Variants in CREB5 observed in about 807,000 individuals in gnomAD.
The protein encoded by CREB5 is cyclic AMP-responsive element-binding protein 5.
In CREB5, 19 loss-of-function variants were observed where a neutral mutation model predicts 57.1. The observed-to-expected ratio is 0.33, with a 90% CI of 0.23 to 0.49. The LOEUF is 0.49. Among genes scored for constraint, CREB5 ranks in the 20% least tolerant of loss-of-function variants. The pLI is 0.99. For synonymous variants in CREB5, 238 were observed against 238.3 expected (o/e 1.00, Z 0.01); for missense variants, 579 against 671.6 (o/e 0.86, Z 1.52).
upstream of CREB5, among the ~76,000 whole-genome samples, chr7:28,408,598 C>A (rs1041979819): frequency 2.0e-5 from 3 of 152,154 alleles, no homozygotes; most frequent in African/African-American, 7.2e-5. Flanking sequence ...GACGCCGTGT[C>A]TAAATCAGGC....
At chr7:28,575,665 G>A (rs1040912244) in intron 5 of CREB5, among the ~76,000 whole-genome samples, 3 of 152,164 alleles carry the variant, frequency 2.0e-5, no homozygotes, top group African/African-American at 7.2e-5. Flanking sequence ...GAGTAATGCA[G>A]ACCAGAAGTC....
chr7:28,471,248 C>T (rs959589928), intron 1 of CREB5, among the ~76,000 whole-genome samples: 2 of 152,108 alleles, frequency 1.3e-5, no homozygotes, highest in Non-Finnish European at 2.9e-5. Flanking sequence ...TTGATTTTTA[C>T]ATATGATGAG....
chr7:28,598,979 T>A (rs983266367), intron 5 of CREB5, among the ~76,000 whole-genome samples: 2 of 152,216 alleles, frequency 1.3e-5, no homozygotes, highest in Non-Finnish European at 2.9e-5. Context: ...ACTCAGTATG[T>A]TCTGATACAG....
At chr7:28,678,962 A>G (rs1321277071) in intron 5 of CREB5, among the ~76,000 whole-genome samples, 1 of 152,160 alleles carries the variant, frequency 6.6e-6, no homozygotes. Flanking sequence ...GAAAGAAATG[A>G]AACCACAAAT....
rs1268332483 is a variant in CREB5 at position 28,560,909 on chromosome 7, C to CGT, written c.292-9452_292-9451dup. ...GTGCGTGTGTGTGCGTGCGCGCGTG[C>CGT]GTGTGCGTGTGTGCGCGTGCGTGTG... On this transcript the variant is annotated intron_variant, in intron 4 of 10. Coordinates refer to ENST00000357727, the MANE Select transcript of CREB5 (RefSeq NM_182898.4). Among the ~76,000 whole-genome samples, 19 of 32,670 alleles carry CGT rather than the reference C, an allele frequency of 5.8e-4. No individual in the cohort carries two copies. The South Asian group carries it at 7.6e-3, about 13-fold the overall frequency. The allele number at this position is 32,670 out of a possible 152,430, so 21.4% of individuals were successfully genotyped here.
intron 1 of CREB5, among the ~76,000 whole-genome samples, chr7:28,427,068 CT>C (rs1236109670): frequency 2.0e-5 from 3 of 152,182 alleles, no homozygotes; most frequent in African/African-American, 7.2e-5. Context: ...ATTTTAAACT[CT>C]GTTGCTAAAA....
At chr7:28,768,562 CA>C (rs1381971996) in intron 7 of CREB5, among the ~76,000 whole-genome samples, 3 of 152,146 alleles carry the variant, frequency 2.0e-5, no homozygotes, top group African/African-American at 7.2e-5. Context: ...GCTTTATAGT[CA>C]GGGAACTTTT....
At chr7:28,702,497 T>C (rs1355503308) in intron 5 of CREB5, among the ~76,000 whole-genome samples, 1 of 152,246 alleles carries the variant, frequency 6.6e-6, no homozygotes, top group African/African-American at 2.4e-5. Context: ...GTTGGATCAA[T>C]CTTGTTCACT....
intron 1 of CREB5, among the ~76,000 whole-genome samples, chr7:28,420,157 G>A (rs1031613571): frequency 1.3e-5 from 2 of 151,600 alleles, no homozygotes; most frequent in Non-Finnish European, 2.9e-5. Context: ...GAGAAAAAGA[G>A]TACATATAAT....
chr7:28,661,261 C>G (rs1439268249), intron 5 of CREB5, among the ~76,000 whole-genome samples: 1 of 152,174 alleles, frequency 6.6e-6, no homozygotes, highest in Non-Finnish European at 1.5e-5. Context: ...TGTCCTTCCC[C>G]TGGTACAGCC....
At chr7:28,695,305 C>CA (rs1470145148) in intron 5 of CREB5, among the ~76,000 whole-genome samples, 1 of 152,174 alleles carries the variant, frequency 6.6e-6, no homozygotes, top group African/African-American at 2.4e-5. Context: ...GTGCCCAGAC[C>CA]AAGCTCTAAG....
intron 5 of CREB5, among the ~76,000 whole-genome samples, chr7:28,706,791 A>T (rs1222140376): frequency 6.6e-6 from 1 of 152,164 alleles, no homozygotes. Context: ...CCCTTCCCCC[A>T]TACCCCCTGT....
In CREB5 at chr7:28,560,871, T is replaced by TGCGCGCGC. The variant is rs1233149536; in HGVS notation, c.292-9489_292-9488insCGCGCGCG. Among the ~76,000 whole-genome samples, 3 of 38,010 alleles carry TGCGCGCGC rather than the reference T, an allele frequency of 7.9e-5. No homozygotes were observed. The South Asian group carries it at 4.8e-3, about 61-fold the overall frequency. The allele number at this position is 38,010 out of a possible 152,430, so 24.9% of individuals were successfully genotyped here. On this transcript the variant is annotated intron_variant, in intron 4 of 10. Coordinates refer to ENST00000357727, the MANE Select transcript of CREB5 (RefSeq NM_182898.4). Reference sequence around the variant, plus strand: ...GCGTGTGTGTGTGCGTGTGCCTGCGTGCGCGTGCGTGCGTGCGTGTGTGTG... The same window carrying TGCGCGCGC: ...GCGTGTGTGTGTGCGTGTGCCTGCGTGCGCGCGCGCGCGTGCGTGCGTGCGTGTGTGTG...
intron 1 of CREB5, among the ~76,000 whole-genome samples, chr7:28,335,074 A>G (rs1785796998): frequency 6.6e-6 from 1 of 152,078 alleles, no homozygotes; most frequent in South Asian, 2.1e-4. Flanking sequence ...CTTTATGCCA[A>G]TACCATCCTG....
rs377518629 is a variant in CREB5, at chr7:28,641,376, T to C, written c.464+70839T>C. Among the ~76,000 whole-genome samples the C allele has an allele frequency of 2.0e-4, 31 of 152,228 alleles. No individual in the cohort carries two copies. In the East Asian group the frequency reaches 4.8e-3, roughly 24 times the overall value. On this transcript the variant is annotated intron_variant, in intron 5 of 10. Transcript: ENST00000357727. ...GGGAAAGCGTGGAACCAAGAAAAGC[T>C]GGACCCAGGCAGTCCCCTTGCAAAA... is the stretch of plus-strand genomic sequence containing the variant.
chr7:28,676,780 C>A (rs1181344847), intron 5 of CREB5, among the ~76,000 whole-genome samples: 1 of 152,164 alleles, frequency 6.6e-6, no homozygotes, highest in African/African-American at 2.4e-5. Flanking sequence ...CCACTGGTAT[C>A]CCTTCCCCCA....
chr7:28,553,251 A>G (rs1179139640), intron 4 of CREB5, among the ~76,000 whole-genome samples: 4 of 152,196 alleles, frequency 2.6e-5, no homozygotes, highest in Non-Finnish European at 4.4e-5. Flanking sequence ...GAGATGCACC[A>G]GGCCTTTTCC....
At chr7:28,779,579 G>A (rs1429190261) in intron 7 of CREB5, among the ~76,000 whole-genome samples, 1 of 152,126 alleles carries the variant, frequency 6.6e-6, no homozygotes, top group African/African-American at 2.4e-5. Context: ...TGCATGCCCT[G>A]CTTTTGGTTA....
At chr7:28,796,751 C>G (rs1808066033) in intron 7 of CREB5, among the ~76,000 whole-genome samples, 1 of 152,208 alleles carries the variant, frequency 6.6e-6, no homozygotes. Flanking sequence ...TGGATCCTTT[C>G]TCTGATGAAA....
Sources: allele counts gnomAD v4.1 joint callset (sites outside exome capture counted in the v4.1 genomes callset), GRCh38; gene constraint gnomAD v4.1.1; transcripts MANE v1.5; gene names NCBI Gene and HGNC (gene_info 2026-07-23, HGNC 2026-07-21).